Variants in TAFA2 observed in about 807,000 individuals in gnomAD.
TAFA2 encodes TAFA chemokine like family member 2, also known as chemokine-like protein TAFA-2.
TAFA2 carries 7 observed loss-of-function variants against 18.8 expected under a neutral mutation model. The observed-to-expected ratio is 0.37, with a 90% CI of 0.21 to 0.70. The LOEUF is 0.70. Among genes scored for constraint, TAFA2 ranks in the 30% least tolerant of loss-of-function variants. The probability of loss-of-function intolerance (pLI) is 0.53; values close to 1 mark genes in which losing one functional copy is unlikely to be tolerated. For synonymous variants in TAFA2, 60 were observed against 54.2 expected (o/e 1.11, Z -0.47); for missense variants, 122 against 158.1 (o/e 0.77, Z 1.23).
At chr12:61,902,658 C>CCAGATGAT (rs1592472655) in intron 1 of TAFA2, among the ~76,000 whole-genome samples, 1 of 152,204 alleles carries the variant, frequency 6.6e-6, no homozygotes, top group East Asian at 1.9e-4. Flanking sequence ...CAATTTTGAC[C>CCAGATGAT]CAGATGATCT....
At chr12:61,723,731 G>A (rs143044305) in intron 4 of TAFA2, among the ~76,000 whole-genome samples, 2 of 152,132 alleles carry the variant, frequency 1.3e-5, no homozygotes, top group African/African-American at 2.4e-5. Flanking sequence ...TGCTCTAATT[G>A]GTATTAGACT....
At chr12:62,176,640 C>T (rs2062516092) in intron 1 of TAFA2, among the ~76,000 whole-genome samples, 1 of 151,952 alleles carries the variant, frequency 6.6e-6, no homozygotes, top group African/African-American at 2.4e-5. Context: ...TAATACATAA[C>T]AACGCTTTTC....
intron 1 of TAFA2, chr12:62,021,440 T>C: frequency 7.4e-6 from 3 of 403,390 alleles, no homozygotes; most frequent in Non-Finnish European, 9.6e-6. Context: ...CCTCCCACCC[T>C]TTCCCCCAAG....
chr12:62,111,158 C>T lies in TAFA2; in HGVS notation c.-2+80101G>A, dbSNP rs56961348. 4.6e-3 allele frequency among the ~76,000 whole-genome samples: 694 copies of T among 152,220 alleles called. 6 individuals are homozygous for T. Among genetic ancestry groups the T allele is most frequent in the African/African-American group, 0.016 (645 of 41,556 alleles). On this transcript the variant is annotated intron_variant, in intron 1 of 4. Transcript: ENST00000416284. ...AGTTTCCCTCTAAATACTGCTTTAA[C>T]TGTGTCCCAGAGATTCTGGTACATT... is the stretch of plus-strand genomic sequence containing the variant.
At chr12:62,257,635 T>C (rs1411802565) in intron 1 of TAFA2, among the ~76,000 whole-genome samples, 10 of 152,194 alleles carry the variant, frequency 6.6e-5, no homozygotes, top group Non-Finnish European at 1.5e-4. Flanking sequence ...CTCAGCTCTC[T>C]AGGTTACGTT....
intron 1 of TAFA2, among the ~76,000 whole-genome samples, chr12:62,088,658 A>G (rs180885150): frequency 4.6e-4 from 70 of 151,930 alleles, no homozygotes; most frequent in Middle Eastern, 3.4e-3. Context: ...GTTAGAAAAA[A>G]GCATCAAAAA....
intron 1 of TAFA2, among the ~76,000 whole-genome samples, chr12:62,257,827 C>A (rs894603462): frequency 6.6e-6 from 1 of 152,154 alleles, no homozygotes; most frequent in Non-Finnish European, 1.5e-5. Context: ...CTTTTCTCAT[C>A]AATTTATCTA....
chr12:62,156,486 A>T (rs577657139), intron 1 of TAFA2, among the ~76,000 whole-genome samples: 70 of 152,310 alleles, frequency 4.6e-4, no homozygotes, highest in African/African-American at 1.6e-3. Flanking sequence ...TGAAAAAGAT[A>T]CTTGCACACA....
intron 2 of TAFA2, among the ~76,000 whole-genome samples, chr12:61,764,261 T>TAGA (rs68057414): frequency 6.6e-6 from 1 of 151,820 alleles, no homozygotes; most frequent in African/African-American, 2.4e-5. Flanking sequence ...GATAGATAGA[T>TAGA]TTTTAATGGC....
intron 1 of TAFA2, among the ~76,000 whole-genome samples, chr12:62,038,317 T>C (rs898167087): frequency 8.5e-5 from 13 of 152,238 alleles, no homozygotes; most frequent in African/African-American, 2.9e-4. Flanking sequence ...ACTATATGTA[T>C]ATTAAAATAC....
At chr12:61,922,169 A>T (rs971965471) in intron 1 of TAFA2, among the ~76,000 whole-genome samples, 1 of 152,188 alleles carries the variant, frequency 6.6e-6, no homozygotes, top group African/African-American at 2.4e-5. Flanking sequence ...AAAGAACTTT[A>T]AAAAAATTGA....
At chr12:61,895,601 A>G (rs78787179) in intron 1 of TAFA2, among the ~76,000 whole-genome samples, 1,847 of 152,284 alleles carry the variant, frequency 0.012, 38 homozygotes, top group African/African-American at 0.042. Flanking sequence ...CCCAAGAATA[A>G]CGTCCATGCT....
At chr12:61,875,599 T>A (rs1259170504) in intron 1 of TAFA2, among the ~76,000 whole-genome samples, 1 of 152,120 alleles carries the variant, frequency 6.6e-6, no homozygotes. Context: ...ATAAATCTAA[T>A]TTTTGCAATT....
chr12:61,984,054 C>A (rs55721110), intron 1 of TAFA2, among the ~76,000 whole-genome samples: 1 of 152,154 alleles, frequency 6.6e-6, no homozygotes, highest in Non-Finnish European at 1.5e-5. Context: ...CATATAAACA[C>A]GCACTCATTT....
intron 1 of TAFA2, among the ~76,000 whole-genome samples, chr12:61,965,285 T>C (rs1173567383): frequency 6.6e-6 from 1 of 151,796 alleles, no homozygotes. Context: ...AAAAGCATCA[T>C]CTATGAACCA....
intron 1 of TAFA2, among the ~76,000 whole-genome samples, chr12:62,163,434 C>G (rs1412551667): frequency 6.6e-6 from 1 of 152,054 alleles, no homozygotes; most frequent in East Asian, 1.9e-4. Flanking sequence ...GGGTGTTGTA[C>G]TAAGATGGCA....
At chr12:62,002,123 G>A (rs1159578109) in intron 1 of TAFA2, among the ~76,000 whole-genome samples, 2 of 152,118 alleles carry the variant, frequency 1.3e-5, no homozygotes, top group Non-Finnish European at 2.9e-5. Context: ...TGGTGGGGAA[G>A]GTCACTGCAA....
intron 1 of TAFA2, among the ~76,000 whole-genome samples, chr12:61,939,449 T>C (rs1373010895): frequency 4.6e-5 from 7 of 152,208 alleles, no homozygotes; most frequent in Admixed American, 1.3e-4. Flanking sequence ...CTATCCATTT[T>C]TCTCTATGTG....
At chr12:61,762,650 T>TAC (rs1555162990) in intron 2 of TAFA2, among the ~76,000 whole-genome samples, 13 of 150,330 alleles carry the variant, frequency 8.6e-5, no homozygotes, top group African/African-American at 2.9e-4. Flanking sequence ...TATATATATA[T>TAC]ACATACACAT....
Sources: allele counts gnomAD v4.1 joint callset (sites outside exome capture counted in the v4.1 genomes callset), GRCh38; gene constraint gnomAD v4.1.1; transcripts MANE v1.5; gene names NCBI Gene and HGNC (gene_info 2026-07-23, HGNC 2026-07-21).